The following WDR49 variants were observed in gnomAD, a reference collection of about 807,000 sequenced individuals.
WDR49 encodes cilia- and flagella-associated protein 337.
A neutral mutation model predicts 119.5 loss-of-function variants in WDR49; 107 were observed. The ratio of observed to expected loss-of-function variants is 0.90; its 90% confidence interval spans 0.77 to 1.05. The LOEUF (loss-of-function observed/expected upper bound fraction) is 1.05, where lower values mean the gene tolerates loss of function less well. Ranked by LOEUF, WDR49 falls within the 50% of genes least tolerant of loss-of-function variation. The pLI is 0.00. For missense variants in WDR49, 1,240 were observed against 1,220.5 expected, an observed-to-expected ratio of 1.02 and a Z score of -0.24; for synonymous variants, 425 against 418.8, an observed-to-expected ratio of 1.01 and a Z score of -0.18.
chr3:167,546,931 G>T (rs911302715), intron 10 of WDR49, among the ~76,000 whole-genome samples: 1 of 151,692 alleles, frequency 6.6e-6, no homozygotes, highest in Admixed American at 6.6e-5. Context: ...CAAAGGCAGA[G>T]AATTAGTTTG....
At chr3:167,625,216 AT>A (rs1717077485) in intron 3 of WDR49, among the ~76,000 whole-genome samples, 1 of 152,020 alleles carries the variant, frequency 6.6e-6, no homozygotes, top group Non-Finnish European at 1.5e-5. Flanking sequence ...ATTCTGGAAC[AT>A]TTTGTCATAC....
chr3:167,612,827 T>C (rs1716403934), intron 5 of WDR49, among the ~76,000 whole-genome samples: 1 of 152,048 alleles, frequency 6.6e-6, no homozygotes, highest in Admixed American at 6.6e-5. Context: ...ATGTTCTCAC[T>C]TATTTGTAGG....
intron 14 of WDR49, 41 bp from the exon 15 acceptor site, chr3:167,528,058 A>G: frequency 6.5e-7 from 1 of 1,544,708 alleles, no homozygotes; most frequent in Middle Eastern, 1.8e-4. Context: ...AAATTCAAAT[A>G]TGAAATGATT....
Position 167,536,899 on chromosome 3 carries a change from G to A in WDR49, c.1925C>T (p.Ala642Val), listed in dbSNP as rs540397701. 7 of 1,516,642 alleles carry A rather than the reference G, an allele frequency of 4.6e-6. No homozygotes were observed. Among genetic ancestry groups the A allele is most frequent in the Admixed American group, 4.2e-5 (2 of 47,968 alleles). 93.9% of individuals were successfully genotyped at this position (1,516,642 alleles called of 1,614,324 possible). A position where few individuals can be genotyped will look rare whatever the true frequency, so the allele number is the denominator to read the frequency against. The change falls in exon 11 of 19, where the codon GCG becomes GTG. Residue 642 changes from alanine (A) to valine (V), a missense_variant. Coordinates refer to ENST00000682715, the MANE Select transcript of WDR49 (RefSeq NM_001366157.1). ...AACAAGAGTTTGTGGAGGTAAAAAC[G>A]CAGCACACAAGATGTCATCATGGTG... ...IQHHDDILCA[A>V]FLPPQTLVTG...
intron 11 of WDR49, among the ~76,000 whole-genome samples, chr3:167,533,197 ATTACTGTTGT>A (rs1206732129): frequency 6.6e-6 from 1 of 152,114 alleles, no homozygotes; most frequent in Non-Finnish European, 1.5e-5. Flanking sequence ...GTGTGTAGAA[ATTACTGTTGT>A]TTCCTTTTAT....
chr3:167,602,312 A>G, intron 6 of WDR49, 37 bp from the exon 7 acceptor site: 1 of 1,513,550 alleles, frequency 6.6e-7, no homozygotes. Context: ...TGTTTTTAAT[A>G]GCATGAATAG....
chr3:167,629,506 A>G lies in WDR49; in HGVS notation c.166-2214T>C, dbSNP rs138088046. Among the ~76,000 whole-genome samples the G allele has an allele frequency of 2.3e-3, 346 of 152,214 alleles. 1 individual carries two copies. The highest frequency in any genetic ancestry group is 7.8e-3 in the African/African-American group (323 of 41,560). On this transcript the variant is annotated intron_variant, in intron 2 of 18. Coordinates refer to ENST00000682715, the MANE Select transcript of WDR49 (RefSeq NM_001366157.1). ...CCTGCTAACACAGTGTACATACTGC[A>G]GCCCATAGATTAAGAAATAACTTCC...
upstream of WDR49, among the ~76,000 whole-genome samples, chr3:167,656,476 A>G (rs1028772856): frequency 4.6e-5 from 7 of 152,238 alleles, no homozygotes; most frequent in Non-Finnish European, 8.8e-5. Context: ...CACGAGAGGT[A>G]GGTATCCCAC....
intron 5 of WDR49, among the ~76,000 whole-genome samples, chr3:167,617,419 C>T (rs1380276954): frequency 1.3e-5 from 2 of 152,076 alleles, no homozygotes; most frequent in Non-Finnish European, 2.9e-5. Flanking sequence ...CCCAGCTATT[C>T]GGGAGGCTGA....
chr3:167,572,820 A>G (rs560310036), intron 8 of WDR49, among the ~76,000 whole-genome samples: 1 of 152,300 alleles, frequency 6.6e-6, no homozygotes, highest in South Asian at 2.1e-4. Context: ...GGAGCTGAGG[A>G]CCAAAGCTGA....
Position 167,616,973 on chromosome 3 carries a change from G to T in WDR49, c.958+3456C>A, listed in dbSNP as rs112208488. On this transcript the variant is annotated intron_variant, in intron 5 of 18. Transcript: ENST00000682715. ...TGTGAGGCATTCAAATTTCCTTCTAGGCTTGGAAAGGTAAGAGGCAGGACC... is the reference window on the plus strand; with the variant it reads ...TGTGAGGCATTCAAATTTCCTTCTATGCTTGGAAAGGTAAGAGGCAGGACC... Among the ~76,000 whole-genome samples the T allele has an allele frequency of 4.5e-3, 678 of 152,222 alleles. 5 individuals are homozygous for T. The highest frequency in any genetic ancestry group is 0.013 in the African/African-American group (548 of 41,530).
At chr3:167,536,551 G>A (rs1047933753) in intron 11 of WDR49, among the ~76,000 whole-genome samples, 7 of 151,406 alleles carry the variant, frequency 4.6e-5, no homozygotes, top group African/African-American at 1.7e-4. Context: ...ATGGTGGGGC[G>A]TGCCTGTGGT....
chr3:167,636,694 G>T (rs541714423), intron 2 of WDR49, among the ~76,000 whole-genome samples: 139 of 151,920 alleles, frequency 9.1e-4, no homozygotes, highest in Non-Finnish European at 1.8e-3. Context: ...TTCTGCAGGA[G>T]TAAGGTGGTA....
At chr3:167,540,868 CT>C (rs1432846366) in intron 10 of WDR49, among the ~76,000 whole-genome samples, 1 of 151,934 alleles carries the variant, frequency 6.6e-6, no homozygotes, top group Non-Finnish European at 1.5e-5. Context: ...ACAATCACAA[CT>C]TCTGAAAATG....
At chr3:167,616,007 T>C (rs1716578995) in intron 5 of WDR49, among the ~76,000 whole-genome samples, 1 of 152,244 alleles carries the variant, frequency 6.6e-6, no homozygotes. Context: ...CTTGAAGTGA[T>C]TATTTAAAAA....
chr3:167,620,962 A>G (rs1716836495), intron 4 of WDR49, among the ~76,000 whole-genome samples: 1 of 152,152 alleles, frequency 6.6e-6, no homozygotes, highest in Non-Finnish European at 1.5e-5. Flanking sequence ...GAAATTTGAT[A>G]GGAAGACAGA....
chr3:167,591,562 G>A (rs1715107343), intron 7 of WDR49, among the ~76,000 whole-genome samples: 1 of 151,944 alleles, frequency 6.6e-6, no homozygotes, highest in East Asian at 1.9e-4. Context: ...AATAAAATTT[G>A]CTTTATATAT....
Position 167,564,521 on chromosome 3 carries a change from T to G in WDR49, c.1510-4293A>C, listed in dbSNP as rs140811168. On this transcript the variant is annotated intron_variant, in intron 8 of 18. Transcript: ENST00000682715. ...AATAAGTCTTGGCGTCACATGTCTA[T>G]GCCACCTTTTAATGATACCAAATCT... is the stretch of plus-strand genomic sequence containing the variant. 6.7e-4 allele frequency among the ~76,000 whole-genome samples: 102 copies of G among 152,318 alleles called. 1 individual carries two copies. The highest frequency in any genetic ancestry group is 2.4e-3 in the African/African-American group (98 of 41,582).
At chr3:167,640,743 T>A (rs1471356283) in intron 2 of WDR49, among the ~76,000 whole-genome samples, 1 of 151,790 alleles carries the variant, frequency 6.6e-6, no homozygotes, top group Non-Finnish European at 1.5e-5. Flanking sequence ...GGTATTTGTT[T>A]TTATTGATTT....
Sources: gnomAD v4.1 joint callset for allele counts (sites outside exome capture counted in the v4.1 genomes callset) on GRCh38, gnomAD v4.1.1 for gene constraint, MANE v1.5 for transcripts, NCBI Gene and HGNC (gene_info 2026-07-23, HGNC 2026-07-21) for gene names.